The following WDR27 variants were observed in gnomAD, a reference collection of about 807,000 sequenced individuals.
WDR27 encodes the protein WD repeat domain 27.
In WDR27, 100 loss-of-function variants were observed where a neutral mutation model predicts 114.4. The ratio of observed to expected loss-of-function variants is 0.87; its 90% CI spans 0.74 to 1.03. WDR27 has a LOEUF of 1.03. Among genes scored for constraint, WDR27 ranks in the 50% least tolerant of loss-of-function variants. The pLI, the probability that WDR27 is intolerant of heterozygous loss-of-function variation, is 0.00. For missense variants in WDR27, 1,129 were observed against 1,092.9 expected (o/e 1.03, Z -0.47); for synonymous variants, 449 against 423.1 (o/e 1.06, Z -0.75).
the WDR27 span, among the ~76,000 whole-genome samples, chr6:169,429,950 G>A: frequency 6.6e-6 from 1 of 152,286 alleles, no homozygotes; most frequent in Middle Eastern, 3.4e-3. Context: ...GTCCAAACAC[G>A]TTTTCCAGAT....
chr6:169,666,348 A>G (rs902205748), intron 6 of WDR27: 4 of 958,928 alleles, frequency 4.2e-6, no homozygotes, highest in South Asian at 4.8e-5. Flanking sequence ...TTGAGAAGAT[A>G]TAACAATAAC....
the WDR27 span, among the ~76,000 whole-genome samples, chr6:169,444,941 G>A: frequency 6.6e-6 from 1 of 152,164 alleles, no homozygotes; most frequent in Admixed American, 6.5e-5. Flanking sequence ...TCTGCAGAAT[G>A]AGGACAATAC....
chr6:169,539,943 A>C (rs1796639424), intron 25 of WDR27, among the ~76,000 whole-genome samples: 2 of 152,194 alleles, frequency 1.3e-5, no homozygotes, highest in South Asian at 4.1e-4. Flanking sequence ...CTACCTCCCG[A>C]CATCAGGCCT....
intron 2 of WDR27, among the ~76,000 whole-genome samples, chr6:169,680,999 A>C (rs913330705): frequency 6.6e-6 from 1 of 152,224 alleles, no homozygotes; most frequent in Admixed American, 6.5e-5. Flanking sequence ...ACTGGACATG[A>C]AATCCTCAAG....
chr6:169,667,727 C>T (rs1257469737), intron 5 of WDR27, among the ~76,000 whole-genome samples: 1 of 152,228 alleles, frequency 6.6e-6, no homozygotes, highest in Admixed American at 6.5e-5. Flanking sequence ...CGCTCCCAGG[C>T]CCTGAATGCA....
chr6:169,502,881 G>A (rs776556814), intron 25 of WDR27, among the ~76,000 whole-genome samples: 1 of 152,132 alleles, frequency 6.6e-6, no homozygotes, highest in African/African-American at 2.4e-5. Context: ...GCCAAGATTC[G>A]AGTAGATGGA....
At chr6:169,579,182 C>G (rs1354301287) in intron 24 of WDR27, among the ~76,000 whole-genome samples, 2 of 152,090 alleles carry the variant, frequency 1.3e-5, no homozygotes, top group African/African-American at 2.4e-5. Context: ...CTGCAATGAC[C>G]AGCTTTGCAT....
chr6:169,621,342 A>G (rs971152575), intron 21 of WDR27, among the ~76,000 whole-genome samples: 1 of 151,882 alleles, frequency 6.6e-6, no homozygotes, highest in Non-Finnish European at 1.5e-5. Context: ...ATACGCACAC[A>G]CATGCATGTA....
the WDR27 span, among the ~76,000 whole-genome samples, chr6:169,445,534 T>G: frequency 6.6e-6 from 1 of 152,218 alleles, no homozygotes; most frequent in East Asian, 1.9e-4. Context: ...TGAGTTAATG[T>G]GTAGATAGTG....
intron 17 of WDR27, among the ~76,000 whole-genome samples, chr6:169,639,508 G>A (rs1818625619): frequency 6.6e-6 from 1 of 151,942 alleles, no homozygotes; most frequent in African/African-American, 2.4e-5. Flanking sequence ...ACACATATAA[G>A]TTGATCATTT....
At chr6:169,449,107 T>C in the WDR27 span, among the ~76,000 whole-genome samples, 2 of 152,216 alleles carry the variant, frequency 1.3e-5, no homozygotes, top group Non-Finnish European at 2.9e-5. Flanking sequence ...TCTCCAGTCA[T>C]GGTTTTTTGG....
chr6:169,683,392 A>G (rs1782040001), intron 2 of WDR27, among the ~76,000 whole-genome samples: 1 of 152,118 alleles, frequency 6.6e-6, no homozygotes, highest in South Asian at 2.1e-4. Flanking sequence ...GCAAGAAGTG[A>G]GGGGAGGCAG....
chr6:169,664,133 T>C (rs1453560753), intron 8 of WDR27, 33 bp downstream of exon 8: 1 of 1,540,946 alleles, frequency 6.5e-7, no homozygotes, highest in African/African-American at 1.4e-5. Flanking sequence ...CTGGGCCAAG[T>C]GGGAGGCCTG....
intron 21 of WDR27, among the ~76,000 whole-genome samples, chr6:169,624,926 C>G (rs1276084793): frequency 6.6e-6 from 1 of 152,248 alleles, no homozygotes; most frequent in Non-Finnish European, 1.5e-5. Context: ...AGCCGTCCCA[C>G]AGCCTGGCTG....
At chr6:169,462,751 A>C (rs1785073270) in intron 25 of WDR27, among the ~76,000 whole-genome samples, 1 of 152,238 alleles carries the variant, frequency 6.6e-6, no homozygotes, top group Non-Finnish European at 1.5e-5. Flanking sequence ...CAGCATATTA[A>C]AATGATTATG....
At chr6:169,683,431 C>T (rs1282326400) in intron 2 of WDR27, among the ~76,000 whole-genome samples, 1 of 151,862 alleles carries the variant, frequency 6.6e-6, no homozygotes, top group South Asian at 2.1e-4. Flanking sequence ...AAAAAAAATG[C>T]CAATCAAGCA....
At chr6:169,631,178 G>A (rs1404316315) in intron 21 of WDR27, among the ~76,000 whole-genome samples, 1 of 152,146 alleles carries the variant, frequency 6.6e-6, no homozygotes, top group Non-Finnish European at 1.5e-5. Flanking sequence ...TCATAGCCTT[G>A]TAAAGAAGTT....
At chr6:169,640,850 C>T (rs1008556250) in intron 17 of WDR27, among the ~76,000 whole-genome samples, 1 of 152,232 alleles carries the variant, frequency 6.6e-6, no homozygotes, top group Admixed American at 6.5e-5. Context: ...AGAGGTCGCA[C>T]AGGAGGGAGG....
At chr6:169,632,468 A>C (rs769605071) in intron 21 of WDR27, among the ~76,000 whole-genome samples, 1 of 152,186 alleles carries the variant, frequency 6.6e-6, no homozygotes, top group Non-Finnish European at 1.5e-5. Flanking sequence ...GCTATCAGAC[A>C]ATGAACTCAT....
Sources: gnomAD v4.1 joint callset for allele counts (sites outside exome capture counted in the v4.1 genomes callset) on GRCh38, gnomAD v4.1.1 for gene constraint, MANE v1.5 for transcripts, NCBI Gene and HGNC (gene_info 2026-07-23, HGNC 2026-07-21) for gene names.